TBC1D22A: variants seen among roughly 807,000 people sequenced by gnomAD.
TBC1D22A encodes TBC1 domain family member 22A, also known as putative GTPase activator.
In TBC1D22A, 38 loss-of-function variants were observed where a neutral mutation model predicts 60.2. The ratio of observed to expected loss-of-function variants is 0.63; its 90% CI spans 0.49 to 0.83. The LOEUF (loss-of-function observed/expected upper bound fraction) is 0.83, where lower values mean the gene tolerates loss of function less well. TBC1D22A is among the 40% of genes least tolerant of loss of function. The pLI is 0.00. For missense variants in TBC1D22A, 628 were observed against 701.0 expected, an observed-to-expected ratio of 0.90 and a Z score of 1.18; for synonymous variants, 302 against 281.7, an observed-to-expected ratio of 1.07 and a Z score of -0.72.
At chr22:47,118,254 C>A (rs2066141841) in intron 12 of TBC1D22A, among the ~76,000 whole-genome samples, 1 of 152,062 alleles carries the variant, frequency 6.6e-6, no homozygotes. Context: ...GGAATACTTA[C>A]AAAAAGTAAT....
chr22:46,826,513 C>T (rs2086072901), intron 4 of TBC1D22A, among the ~76,000 whole-genome samples: 1 of 152,066 alleles, frequency 6.6e-6, no homozygotes, highest in South Asian at 2.1e-4. Flanking sequence ...CTGTCAATTT[C>T]CTGAGCGGAT....
At position 46,777,238 on chromosome 22, in the gene TBC1D22A, G is replaced by A. The variant is rs1354996504; in HGVS notation, c.62+14390G>A. ...CCGATTTAAGTTAGTGGGACAGAGGGTTTTCGATGCCAGGACATGGGCCAG... is the reference window on the plus strand; with the variant it reads ...CCGATTTAAGTTAGTGGGACAGAGGATTTTCGATGCCAGGACATGGGCCAG... On this transcript the variant is annotated intron_variant, in intron 1 of 12. Transcript: ENST00000337137. The surrounding 1 kb of genome is among the most constrained non-coding windows in gnomAD (Gnocchi z 4.5). 3.8e-5 allele frequency among the ~76,000 whole-genome samples: 5 copies of A among 132,960 alleles called. No homozygotes were observed. The highest frequency in any genetic ancestry group is 6.7e-5 in the Non-Finnish European group (4 of 59,842). 87.2% of individuals were successfully genotyped at this position (132,960 alleles called of 152,430 possible). A position where few individuals can be genotyped will look rare whatever the true frequency, so the allele number is the denominator to read the frequency against.
In TBC1D22A at chr22:46,994,223, C is replaced by G. The variant is rs947605720; in HGVS notation, c.1126-3411C>G. On this transcript the variant is annotated intron_variant, in intron 9 of 12. Coordinates refer to ENST00000337137, the MANE Select transcript of TBC1D22A (RefSeq NM_014346.5). ...TGTGCCAGATGGAGGCAAAGAATAA[C>G]TTTTATTTCTGCTAACTGAGAGCCT... Among the ~76,000 whole-genome samples, 4 of 152,120 alleles carry G rather than the reference C, an allele frequency of 2.6e-5. No homozygotes were observed. The East Asian group carries it at 5.8e-4, about 22-fold the overall frequency.
At chr22:46,806,432 C>T (rs190030037) in intron 4 of TBC1D22A, among the ~76,000 whole-genome samples, 54 of 148,010 alleles carry the variant, frequency 3.6e-4, no homozygotes, top group African/African-American at 1.3e-3. Context: ...TGAAAGCTGC[C>T]GAGAAAATAA....
chr22:46,944,589 G>A (rs917027219), intron 8 of TBC1D22A, among the ~76,000 whole-genome samples: 6 of 152,122 alleles, frequency 3.9e-5, no homozygotes, highest in Admixed American at 1.3e-4. Context: ...TAGTAGAGAT[G>A]GGGTTTCACC....
At chr22:46,801,937 G>A (rs1337021372) in intron 4 of TBC1D22A, among the ~76,000 whole-genome samples, 1 of 152,244 alleles carries the variant, frequency 6.6e-6, no homozygotes, top group Non-Finnish European at 1.5e-5. Context: ...ACTAATACGA[G>A]TAGATGCCCC....
chr22:46,803,622 G>A (rs997817584), intron 4 of TBC1D22A, among the ~76,000 whole-genome samples: 5 of 152,196 alleles, frequency 3.3e-5, no homozygotes, highest in East Asian at 1.9e-4. Context: ...TTACACTTGC[G>A]CGTGTCTGTG....
chr22:46,926,470 G>C (rs1441367289), intron 8 of TBC1D22A, among the ~76,000 whole-genome samples: 2 of 152,204 alleles, frequency 1.3e-5, no homozygotes, highest in Non-Finnish European at 2.9e-5. Context: ...GAAACTCCTA[G>C]AAACACACAA....
intron 9 of TBC1D22A, among the ~76,000 whole-genome samples, chr22:46,982,819 C>A (rs1011927425): frequency 2.0e-5 from 3 of 152,204 alleles, no homozygotes; most frequent in African/African-American, 7.2e-5. Context: ...CTGAGGGCAG[C>A]TGTAGACCTT....
chr22:47,166,709 C>G (rs1043748543), intron 12 of TBC1D22A, among the ~76,000 whole-genome samples: 18 of 152,254 alleles, frequency 1.2e-4, no homozygotes, highest in African/African-American at 4.3e-4. Flanking sequence ...GTCCTCAGTG[C>G]CTGGAGTGGG....
At chr22:47,061,965 G>A (rs2063591966) in intron 11 of TBC1D22A, among the ~76,000 whole-genome samples, 1 of 151,570 alleles carries the variant, frequency 6.6e-6, no homozygotes, top group African/African-American at 2.4e-5. Context: ...GTGCATGCCA[G>A]TGATCCCAGC....
At chr22:47,043,657 G>C (rs2062924767) in intron 11 of TBC1D22A, among the ~76,000 whole-genome samples, 1 of 152,108 alleles carries the variant, frequency 6.6e-6, no homozygotes, top group South Asian at 2.1e-4. Flanking sequence ...CAGGGTCTGG[G>C]GGCTGAGTTG....
intron 8 of TBC1D22A, among the ~76,000 whole-genome samples, chr22:46,941,834 A>AGAATATATGTATAGAATATGT (rs370457997): frequency 8.2e-6 from 1 of 121,800 alleles, no homozygotes; most frequent in Non-Finnish European, 1.6e-5. Flanking sequence ...TATATAGAAT[A>AGAATATATGTATAGAATATGT]ATAGAATATA....
At chr22:46,988,861 A>G (rs974241734) in intron 9 of TBC1D22A, among the ~76,000 whole-genome samples, 1 of 152,240 alleles carries the variant, frequency 6.6e-6, no homozygotes, top group African/African-American at 2.4e-5. Flanking sequence ...GAAGTGAGGC[A>G]TTGACTCCTC....
intron 10 of TBC1D22A, among the ~76,000 whole-genome samples, chr22:47,013,056 C>T (rs1405397270): frequency 1.3e-5 from 2 of 152,214 alleles, no homozygotes; most frequent in African/African-American, 2.4e-5. Context: ...TCCAGCCTCC[C>T]GCCCCGTGCG....
chr22:47,083,820 C>A (rs561022659), intron 11 of TBC1D22A, among the ~76,000 whole-genome samples: 6 of 152,232 alleles, frequency 3.9e-5, no homozygotes, highest in Non-Finnish European at 8.8e-5. Flanking sequence ...ATATTAAAAC[C>A]ACAGTGAGAT....
At chr22:47,046,316 C>A (rs1433855649) in intron 11 of TBC1D22A, among the ~76,000 whole-genome samples, 1 of 152,192 alleles carries the variant, frequency 6.6e-6, no homozygotes, top group Non-Finnish European at 1.5e-5. Context: ...CTGCTTTGCC[C>A]TCGTGGGGGC....
chr22:46,840,219 AAT>A (rs1293202601), intron 4 of TBC1D22A, among the ~76,000 whole-genome samples: 2 of 152,210 alleles, frequency 1.3e-5, no homozygotes, highest in Admixed American at 1.3e-4. Context: ...AAATGTCTGA[AAT>A]ATATAAAGAG....
At chr22:47,037,035 C>T (rs1178067805) in intron 10 of TBC1D22A, 36 bp from the exon 11 acceptor site, 5 of 1,611,412 alleles carry the variant, frequency 3.1e-6, no homozygotes, top group Admixed American at 3.3e-5. Flanking sequence ...ATAGGGCTCC[C>T]CTGACAGCCT....
Sources: gnomAD v4.1 joint callset for allele counts (sites outside exome capture counted in the v4.1 genomes callset) on GRCh38, gnomAD v4.1.1 for gene constraint, Gnocchi (gnomAD v3.1) non-coding constraint, MANE v1.5 for transcripts, NCBI Gene and HGNC (gene_info 2026-07-23, HGNC 2026-07-21) for gene names.